LAMC1: variants seen among roughly 807,000 people sequenced by gnomAD.
LAMC1 encodes laminin subunit gamma 1, also known as laminin subunit gamma-1.
Under a neutral mutation model 173.6 loss-of-function variants are expected in LAMC1, and 38 were observed. That is an observed-to-expected ratio of 0.22 (90% CI 0.17 to 0.29). The LOEUF (loss-of-function observed/expected upper bound fraction) is 0.29, where lower values mean the gene tolerates loss of function less well. Among genes scored for constraint, LAMC1 ranks in the 10% least tolerant of loss-of-function variants. The pLI is 1.00. For synonymous variants in LAMC1, 746 were observed against 749.1 expected (o/e 1.00, Z 0.07); for missense variants, 1,824 against 2,051.8 (o/e 0.89, Z 2.14).
At position 183,133,554 on chromosome 1, in the gene LAMC1, T is replaced by TG. The variant is rs2102107184; in HGVS notation, c.3849+9dup. 1 of 1,609,090 alleles carries TG rather than the reference T, an allele frequency of 6.2e-7. No homozygotes were observed. The highest frequency in any genetic ancestry group is 8.5e-7 in the Non-Finnish European group (1 of 1,176,946). On this transcript the variant is annotated splice_donor_region_variant and intron_variant, in intron 22 of 27. Transcript: ENST00000258341. Reference sequence around the variant, plus strand: ...TTTGGACTCTGAGACACTGGAGGTATGGGGGCAGCCTGTACGCACAGCCCC... The same window carrying TG: ...TTTGGACTCTGAGACACTGGAGGTATGGGGGGCAGCCTGTACGCACAGCCCC...
rs370894350 is a variant in LAMC1, at chr1:183,125,558, A to G, written c.2801+8A>G. 3.7e-5 allele frequency: 57 copies of G among 1,544,212 alleles called. No individual in the cohort carries two copies. The highest frequency in any genetic ancestry group is 5.0e-5 in the Non-Finnish European group (57 of 1,146,980). The stretch of plus-strand genomic sequence containing the variant: ...TGGGCAAGGCTGTGAGAGGTGAGAC[A>G]TAGGTGCCTTTGGTGAAAGTAATCT... On this transcript the variant is annotated splice_region_variant and intron_variant, in intron 15 of 27. Coordinates refer to ENST00000258341, the MANE Select transcript of LAMC1 (RefSeq NM_002293.4).
intron 2 of LAMC1, among the ~76,000 whole-genome samples, chr1:183,107,367 G>A (rs1022516243): frequency 2.0e-5 from 3 of 152,102 alleles, no homozygotes; most frequent in African/African-American, 7.2e-5. Flanking sequence ...AGATAAGGTG[G>A]CCAGGGAAGG....
intron 4 of LAMC1, 36 bp from the exon 5 acceptor site, chr1:183,114,495 C>G (rs1347301111): frequency 6.2e-7 from 1 of 1,606,508 alleles, no homozygotes. Context: ...TTAAAGGTAC[C>G]CAGATCTGAT....
rs1169931153 is a variant in LAMC1 at position 183,117,536 on chromosome 1, A to C, written c.1690A>C (p.Lys564Gln). 1.2e-6 allele frequency: 2 copies of C among 1,613,758 alleles called. No individual in the cohort carries two copies. Among genetic ancestry groups the C allele is most frequent in the East Asian group, 2.2e-5 (1 of 44,882 alleles). Reference protein sequence around the residue: ...YFPRYFIAPAKFLGKQVLSYG... With the variant: ...YFPRYFIAPAQFLGKQVLSYG... ...CCACCATTGTGTCTGTATTCCAGCA[A>C]AGTTCTTGGGCAAGCAGGTGTTGAG... is the stretch of plus-strand genomic sequence containing the variant. Residue 564 changes from lysine to glutamine, a missense_variant and splice_region_variant, in exon 10 of 28, where the codon AAG (lysine) becomes CAG (glutamine). Coordinates refer to ENST00000258341, the MANE Select transcript of LAMC1 (RefSeq NM_002293.4).
intron 21 of LAMC1, 80 bp downstream of exon 21, chr1:183,132,617 G>T: frequency 9.4e-7 from 1 of 1,067,228 alleles, no homozygotes; most frequent in Non-Finnish European, 1.4e-6. Flanking sequence ...ATTAAATGCT[G>T]GTGCATTCAG....
rs566424585 is a variant in LAMC1 at position 183,131,013 on chromosome 1, A to G, written c.3487-286A>G. Among the ~76,000 whole-genome samples, 61 of 152,196 alleles carry G rather than the reference A, an allele frequency of 4.0e-4. 1 individual carries two copies. Among genetic ancestry groups the G allele is most frequent in the Admixed American group, 1.7e-3 (26 of 15,292 alleles). ...AACATGGAGAAACCCCGTCTCTACT[A>G]AAAATACAAAATTAGCCGGGTATGG... On this transcript the variant is annotated intron_variant, in intron 19 of 27. Transcript: ENST00000258341.
At chr1:183,096,969 A>G (rs964507504) in intron 1 of LAMC1, among the ~76,000 whole-genome samples, 6 of 152,106 alleles carry the variant, frequency 3.9e-5, no homozygotes, top group African/African-American at 1.4e-4. Context: ...TATATTCCTT[A>G]TGTGCTTAGT....
Position 183,130,440 on chromosome 1 carries a change from A to G in LAMC1, c.3377A>G (p.Glu1126Gly), listed in dbSNP as rs772529146. ...CAGAATATCCGGAATACCATTGAAG[A>G]GACTGGAAACTTGGCTGAACAAGCG... is the stretch of plus-strand genomic sequence containing the variant. The part of the protein sequence containing the change: ...RLQNIRNTIE[E>G]TGNLAEQARA... The change falls in exon 19 of 28, where the codon GAG (glutamate) becomes GGG (glycine). Residue 1126 changes from glutamate (E) to glycine (G), a missense_variant. Glu to Gly is a moderately conservative substitution (Grantham distance 98). Transcript: ENST00000258341. 3 of 1,614,220 alleles carry G rather than the reference A, an allele frequency of 1.9e-6. No homozygotes were observed. The highest frequency in any genetic ancestry group is 2.5e-6 in the Non-Finnish European group (3 of 1,180,024).
At chr1:183,035,334 A>G (rs935585535) in intron 1 of LAMC1, among the ~76,000 whole-genome samples, 2 of 152,222 alleles carry the variant, frequency 1.3e-5, no homozygotes, top group Admixed American at 1.3e-4. Flanking sequence ...GACTACAGGC[A>G]TATGCCACCA....
chr1:183,131,222 A>G, intron 19 of LAMC1, 77 bp from the exon 20 acceptor site: 1 of 1,183,902 alleles, frequency 8.4e-7, no homozygotes, highest in Non-Finnish European at 1.2e-6. Flanking sequence ...CTCTAACAAA[A>G]ATTTAGTTTT....
At chr1:183,032,758 A>G (rs1027591153) in intron 1 of LAMC1, among the ~76,000 whole-genome samples, 2 of 152,122 alleles carry the variant, frequency 1.3e-5, no homozygotes, top group Admixed American at 1.3e-4. Flanking sequence ...ATTTTGTTTC[A>G]TGATGATAAA....
rs545178343 is a variant in LAMC1 at position 183,121,135 on chromosome 1, T to G, written c.1991-588T>G. 2.0e-4 allele frequency among the ~76,000 whole-genome samples: 30 copies of G among 152,186 alleles called. No individual in the cohort carries two copies. The South Asian group carries it at 6.0e-3, about 31-fold the overall frequency. On this transcript the variant is annotated intron_variant, in intron 11 of 27. Transcript: ENST00000258341. The stretch of plus-strand genomic sequence containing the variant: ...GTGTGTGTTTTAAAAAAAATTAGTT[T>G]GGGCCGGGCATGGTGGCTCAAGCCT...
intron 1 of LAMC1, among the ~76,000 whole-genome samples, chr1:183,083,260 T>A (rs1655334289): frequency 6.6e-6 from 1 of 152,186 alleles, no homozygotes; most frequent in African/African-American, 2.4e-5. Flanking sequence ...TAAAGGTAGA[T>A]CTCAACTTTA....
At chr1:183,087,771 C>G (rs1392419933) in intron 1 of LAMC1, among the ~76,000 whole-genome samples, 1 of 151,686 alleles carries the variant, frequency 6.6e-6, no homozygotes, top group Non-Finnish European at 1.5e-5. Flanking sequence ...GAAATTTTTG[C>G]TACTTAGCTT....
intron 1 of LAMC1, among the ~76,000 whole-genome samples, chr1:183,025,722 AT>A (rs1167413496): frequency 2.0e-5 from 3 of 152,074 alleles, no homozygotes; most frequent in Non-Finnish European, 4.4e-5. Context: ...TTGAAGTCTT[AT>A]TTTTTTCATT....
At chr1:183,108,188 A>G in intron 2 of LAMC1, 88 bp from the exon 3 acceptor site, 1 of 1,226,896 alleles carries the variant, frequency 8.2e-7, no homozygotes, top group Non-Finnish European at 1.2e-6. Flanking sequence ...AATGATAATA[A>G]GTTAGTGATT....
chr1:183,024,939 G>A (rs78254035), intron 1 of LAMC1, among the ~76,000 whole-genome samples: 131 of 152,354 alleles, frequency 8.6e-4, no homozygotes, highest in African/African-American at 3.1e-3. Flanking sequence ...AGTGGATTGA[G>A]GATGGACATA....
rs1417618481 is a variant in LAMC1, at chr1:183,118,133, A to G, written c.1977A>G (p.Thr659=). 3.2e-6 allele frequency: 5 copies of G among 1,565,248 alleles called. No homozygotes were observed. The highest frequency in any genetic ancestry group is 4.5e-5 in the East Asian group (2 of 44,634). Residue 659 remains threonine, a synonymous_variant, in exon 11 of 28, where the codon ACA becomes ACG. Transcript: ENST00000258341. ...TGACCTCTATCAAGATACGTGGGAC[A>G]TACAGTGAGAGAAGTAAGTTATGAT... The part of the protein sequence containing the change: ...NNLTSIKIRG[T]YSERSAGYLD...
chr1:183,099,762 C>G (rs548804009), intron 1 of LAMC1, among the ~76,000 whole-genome samples: 53 of 152,202 alleles, frequency 3.5e-4, no homozygotes, highest in Non-Finnish European at 6.8e-4. Context: ...TAGTGAGTCC[C>G]AAGTCTCTGT....
Sources: gnomAD v4.1 joint callset for allele counts (sites outside exome capture counted in the v4.1 genomes callset) on GRCh38, gnomAD v4.1.1 for gene constraint, MANE v1.5 for transcripts, NCBI Gene and HGNC (gene_info 2026-07-23, HGNC 2026-07-21) for gene names.